FOXP1: variants seen among roughly 807,000 people sequenced by gnomAD.
The protein encoded by FOXP1 is forkhead box protein P1.
A neutral mutation model predicts 98.2 loss-of-function variants in FOXP1; 15 were observed. That is an observed-to-expected ratio of 0.15 (90% CI 0.10 to 0.24). The LOEUF (loss-of-function observed/expected upper bound fraction) is 0.24, where lower values mean the gene tolerates loss of function less well. Among genes scored for constraint, FOXP1 ranks in the 10% least tolerant of loss-of-function variants. The pLI is 1.00. For synonymous variants in FOXP1, 371 were observed against 314.5 expected, an observed-to-expected ratio of 1.18 and a Z score of -1.90; for missense variants, 633 against 848.5, an observed-to-expected ratio of 0.75 and a Z score of 3.15.
At chr3:71,035,813 T>C (rs542721242) in intron 11 of FOXP1, among the ~76,000 whole-genome samples, 2 of 151,762 alleles carry the variant, frequency 1.3e-5, no homozygotes, top group South Asian at 2.1e-4. Flanking sequence ...TTCAAAATAA[T>C]GGGAGCTAGA....
At chr3:71,406,323 A>G (rs892932954) in intron 3 of FOXP1, among the ~76,000 whole-genome samples, 2 of 149,738 alleles carry the variant, frequency 1.3e-5, no homozygotes, top group African/African-American at 2.5e-5. Flanking sequence ...AGCTGCTCAC[A>G]TCTCTTAGCC....
At chr3:71,242,204 A>G (rs2067341020) in intron 5 of FOXP1, among the ~76,000 whole-genome samples, 1 of 152,192 alleles carries the variant, frequency 6.6e-6, no homozygotes, top group Non-Finnish European at 1.5e-5. Flanking sequence ...AACCCCCCAT[A>G]TTCATTTAAA....
chr3:71,406,959 G>A (rs1308475661), intron 3 of FOXP1, among the ~76,000 whole-genome samples: 1 of 151,458 alleles, frequency 6.6e-6, no homozygotes, highest in Admixed American at 6.6e-5. Flanking sequence ...CTTATGGAGG[G>A]AAAGAAAGAA....
At chr3:71,477,667 T>C (rs909643249) in intron 3 of FOXP1, among the ~76,000 whole-genome samples, 1 of 152,200 alleles carries the variant, frequency 6.6e-6, no homozygotes, top group African/African-American at 2.4e-5. Flanking sequence ...CTAGATTGAA[T>C]ATTAGTGCTA....
Position 70,962,756 on chromosome 3 carries a change from A to G in FOXP1, c.1889+3134T>C, listed in dbSNP as rs536901879. 7.9e-5 allele frequency among the ~76,000 whole-genome samples: 12 copies of G among 152,326 alleles called. No homozygotes were observed. The South Asian group carries it at 1.5e-3, about 18-fold the overall frequency. On this transcript the variant is annotated intron_variant, in intron 20 of 20. Coordinates refer to ENST00000649528, the MANE Select transcript of FOXP1 (RefSeq NM_001349338.3). ...ATAACCCAGAATTGAATGATAGAAG[A>G]ATGTAAGATCATACAAGACCTTGGG... is the stretch of plus-strand genomic sequence containing the variant.
intron 13 of FOXP1, among the ~76,000 whole-genome samples, chr3:70,996,108 G>A (rs926019779): frequency 1.8e-4 from 27 of 151,990 alleles, no homozygotes; most frequent in African/African-American, 5.6e-4. Flanking sequence ...TGCCTCAGCC[G>A]CCTGTGTAGC....
In FOXP1 at chr3:71,046,991, C is replaced by G. The variant is rs1256004491; in HGVS notation, c.615G>C (p.Leu205=). The G allele has an allele frequency of 4.3e-6, 7 of 1,613,972 alleles. No individual in the cohort carries two copies. The African/African-American group carries it at 6.7e-5, about 15-fold the overall frequency. The stretch of plus-strand genomic sequence containing the variant: ...GGGCAGGCTGCCCGGGCTGAATTGT[C>G]AGAAGGCCTTGGCGCTGCAAAGACA... ...HLLSLQRQGL[L]TIQPGQPALP... is the part of the protein sequence containing the mutation. Residue 205 remains leucine (L), a synonymous_variant, in exon 10 of 21, where the codon CTG becomes CTC. Transcript: ENST00000649528.
At chr3:71,027,941 A>T (rs1024608492) in intron 11 of FOXP1, among the ~76,000 whole-genome samples, 1 of 152,168 alleles carries the variant, frequency 6.6e-6, no homozygotes. Flanking sequence ...GTTCTACCCA[A>T]TTCTCTAGTT....
intron 3 of FOXP1, among the ~76,000 whole-genome samples, chr3:71,376,629 T>TGC (rs1162872352): frequency 6.6e-6 from 1 of 152,226 alleles, no homozygotes; most frequent in Non-Finnish European, 1.5e-5. Flanking sequence ...GAATTTGCTT[T>TGC]GCCCCAAAAG....
At chr3:71,383,820 C>G (rs928704587) in intron 3 of FOXP1, among the ~76,000 whole-genome samples, 1 of 151,974 alleles carries the variant, frequency 6.6e-6, no homozygotes, top group African/African-American at 2.4e-5. Flanking sequence ...GTAACAGAAA[C>G]CAGAAGAATG....
intron 3 of FOXP1, among the ~76,000 whole-genome samples, chr3:71,434,186 T>C (rs984922822): frequency 3.9e-5 from 6 of 152,052 alleles, no homozygotes; most frequent in Non-Finnish European, 7.4e-5. Flanking sequence ...CAAATACATC[T>C]CCAAAGATAA....
chr3:71,456,993 T>C (rs2087572182), intron 3 of FOXP1, among the ~76,000 whole-genome samples: 1 of 152,082 alleles, frequency 6.6e-6, no homozygotes, highest in African/African-American at 2.4e-5. Flanking sequence ...CGAGTTCTCA[T>C]GCTAGGATAT....
rs981836419 is a variant in FOXP1, at chr3:71,407,123, T to C, written c.-167-47879A>G. Among the ~76,000 whole-genome samples, 11 of 152,270 alleles carry C rather than the reference T, an allele frequency of 7.2e-5. No homozygotes were observed. The South Asian group carries it at 1.0e-3, about 14-fold the overall frequency. Reference sequence around the variant, plus strand: ...CAGCAACTCCACTCTGTTTCTTGCATTGGGAACGGCACGCCACCCATTCTC... The same window carrying C: ...CAGCAACTCCACTCTGTTTCTTGCACTGGGAACGGCACGCCACCCATTCTC... On this transcript the variant is annotated intron_variant, in intron 3 of 20. Coordinates refer to ENST00000649528, the MANE Select transcript of FOXP1 (RefSeq NM_001349338.3).
At chr3:71,225,091 T>C (rs2065731035) in intron 5 of FOXP1, among the ~76,000 whole-genome samples, 1 of 152,234 alleles carries the variant, frequency 6.6e-6, no homozygotes. Context: ...CAACATTGGA[T>C]AAGGAGTTAA....
intron 5 of FOXP1, among the ~76,000 whole-genome samples, chr3:71,237,937 A>C (rs569641104): frequency 1.3e-5 from 2 of 152,352 alleles, no homozygotes; most frequent in East Asian, 3.9e-4. Context: ...AAGGAAGAGA[A>C]GGTGGCTCCC....
At chr3:71,582,293 G>C in intron 1 of FOXP1, 1 of 978,408 alleles carries the variant, frequency 1.0e-6, no homozygotes, top group Non-Finnish European at 1.2e-6. Context: ...AAAGGAGGGA[G>C]GCGGGAGGCG....
At chr3:71,114,739 C>G (rs903278236) in intron 6 of FOXP1, among the ~76,000 whole-genome samples, 1 of 152,094 alleles carries the variant, frequency 6.6e-6, no homozygotes, top group Non-Finnish European at 1.5e-5. Flanking sequence ...GGAAGAGCCT[C>G]GAGAAAAGGG....
intron 8 of FOXP1, 36 bp from the exon 9 acceptor site, chr3:71,052,662 G>A (rs1167941133): frequency 1.1e-6 from 1 of 899,678 alleles, no homozygotes; most frequent in Non-Finnish European, 1.9e-6. Context: ...GTAACAGAGG[G>A]TAGCGCCAAT....
intron 5 of FOXP1, among the ~76,000 whole-genome samples, chr3:71,266,342 C>G (rs947241194): frequency 5.3e-5 from 8 of 151,992 alleles, no homozygotes; most frequent in African/African-American, 1.7e-4. Flanking sequence ...CTCTGCCCCC[C>G]AGGTTTAAGC....
Sources: gnomAD v4.1 joint callset for allele counts (sites outside exome capture counted in the v4.1 genomes callset) on GRCh38, gnomAD v4.1.1 for gene constraint, MANE v1.5 for transcripts, NCBI Gene and HGNC (gene_info 2026-07-23, HGNC 2026-07-21) for gene names.